AGAP6: variants seen among roughly 807,000 people sequenced by gnomAD.
The protein encoded by AGAP6 is ArfGAP with GTPase domain, ankyrin repeat and PH domain 6.
Under a neutral mutation model 63.9 loss-of-function variants are expected in AGAP6, and 29 were observed. That is an observed-to-expected ratio of 0.45 (90% CI 0.34 to 0.62). AGAP6 has a LOEUF of 0.62. Among genes scored for constraint, AGAP6 ranks in the 20% least tolerant of loss-of-function variants. AGAP6 has a pLI of 0.01. For synonymous variants in AGAP6, 199 were observed against 332.9 expected, an observed-to-expected ratio of 0.60 and a Z score of 4.38; for missense variants, 493 against 884.9, an observed-to-expected ratio of 0.56 and a Z score of 5.62.
At chr10:49,994,261 T>C in intron 3 of AGAP6, 134 bp from the exon 4 acceptor site, 1 of 1,039,464 alleles carries the variant, frequency 9.6e-7, no homozygotes, top group Non-Finnish European at 1.3e-6. Flanking sequence ...ATTTAAATTA[T>C]AAATTATTGA....
At chr10:49,996,627 C>T (rs1480933899) in intron 4 of AGAP6, among the ~76,000 whole-genome samples, 1 of 150,700 alleles carries the variant, frequency 6.6e-6, no homozygotes, top group Non-Finnish European at 1.5e-5. Context: ...TATCTCTGAG[C>T]CAGAAATTCT....
intron 4 of AGAP6, among the ~76,000 whole-genome samples, chr10:49,999,538 C>T (rs1554862619): frequency 7.6e-6 from 1 of 131,294 alleles, no homozygotes; most frequent in Non-Finnish European, 1.6e-5. Context: ...GAAAGCATTC[C>T]CCCCGAGAAC....
intron 7 of AGAP6, 155 bp from the exon 8 acceptor site, chr10:50,008,556 C>A (rs1554864386): frequency 1.8e-6 from 1 of 548,968 alleles, no homozygotes; most frequent in African/African-American, 2.1e-5. Flanking sequence ...CGTGATCCAC[C>A]CACCTTGGCC....
intron 5 of AGAP6, among the ~76,000 whole-genome samples, chr10:50,003,850 G>A (rs1331172197): frequency 6.6e-6 from 1 of 152,202 alleles, no homozygotes; most frequent in Non-Finnish European, 1.5e-5. Flanking sequence ...GTCCTTTCCA[G>A]CATGTAACTT....
At chr10:49,991,556 A>G in intron 2 of AGAP6, 120 bp from the exon 3 acceptor site, 1 of 1,345,354 alleles carries the variant, frequency 7.4e-7, no homozygotes, top group Non-Finnish European at 1.0e-6. Context: ...CATTCATTTC[A>G]ATGGATAAGA....
intron 3 of AGAP6, among the ~76,000 whole-genome samples, chr10:49,993,175 C>T (rs1308127542): frequency 6.6e-6 from 1 of 152,224 alleles, no homozygotes; most frequent in Non-Finnish European, 1.5e-5. Context: ...CCACTAGGCC[C>T]TATCTCCAAC....
chr10:49,997,687 CCT>C (rs1564709939), intron 4 of AGAP6, among the ~76,000 whole-genome samples: 1 of 151,890 alleles, frequency 6.6e-6, no homozygotes, highest in African/African-American at 2.4e-5. Flanking sequence ...TGGTGACATG[CCT>C]AAGTTCTTTA....
intron 4 of AGAP6, among the ~76,000 whole-genome samples, chr10:49,996,528 G>T (rs1194461837): frequency 6.6e-5 from 10 of 151,806 alleles, no homozygotes; most frequent in Non-Finnish European, 1.2e-4. Flanking sequence ...GTAAAAGCAG[G>T]CCTGGAAAGG....
At chr10:49,993,845 ATATG>A (rs1435307161) in intron 3 of AGAP6, among the ~76,000 whole-genome samples, 8 of 151,128 alleles carry the variant, frequency 5.3e-5, no homozygotes, top group African/African-American at 1.9e-4. Flanking sequence ...AAAAATTAAG[ATATG>A]TTACTTTCCA....
chr10:49,992,954 G>T (rs1417864672), intron 3 of AGAP6, among the ~76,000 whole-genome samples: 11 of 152,218 alleles, frequency 7.2e-5, no homozygotes, highest in Non-Finnish European at 1.6e-4. Context: ...TAGAGACAGG[G>T]TTTCACCATG....
chr10:49,996,576 T>C (rs1276289588), intron 4 of AGAP6, among the ~76,000 whole-genome samples: 3 of 151,456 alleles, frequency 2.0e-5, no homozygotes, highest in South Asian at 2.1e-4. Flanking sequence ...AGTTCCATTT[T>C]TGGTGTACAG....
At chr10:49,992,079 T>A (rs541094105) in intron 3 of AGAP6, among the ~76,000 whole-genome samples, 34 of 151,670 alleles carry the variant, frequency 2.2e-4, no homozygotes, top group African/African-American at 7.7e-4. Context: ...TTTCCCTTGC[T>A]CCAAAAAGTA....
intron 3 of AGAP6, among the ~76,000 whole-genome samples, chr10:49,992,174 G>C (rs1433767068): frequency 1.3e-5 from 2 of 151,574 alleles, no homozygotes; most frequent in African/African-American, 4.9e-5. Flanking sequence ...TATCATCAGG[G>C]ATTGAATCTG....
At position 50,001,982 on chromosome 10, in the gene AGAP6, C is replaced by T; in HGVS notation, c.397-14C>T. The T allele has an allele frequency of 1.9e-6, 3 of 1,611,982 alleles. No homozygotes were observed. The highest frequency in any genetic ancestry group is 2.5e-6 in the Non-Finnish European group (3 of 1,179,982). The stretch of plus-strand genomic sequence containing the variant: ...ACTTTGATAAGTTTGACTTACAGTT[C>T]CCTTCCCCTTCAGGTATCTGCTGTG... On this transcript the variant is annotated splice_polypyrimidine_tract_variant and intron_variant, in intron 4 of 7. Coordinates refer to ENST00000412531, the MANE Select transcript of AGAP6 (RefSeq NM_001077665.3).
At chr10:50,008,004 A>G (rs782410939) in intron 6 of AGAP6, 21 bp from the exon 7 acceptor site, 12 of 1,611,902 alleles carry the variant, frequency 7.4e-6, no homozygotes, top group Non-Finnish European at 1.0e-5. Flanking sequence ...TTTTGAAGTA[A>G]TGCGCTTTCT....
intron 2 of AGAP6, among the ~76,000 whole-genome samples, chr10:49,991,144 A>C (rs1484391947): frequency 6.6e-6 from 1 of 152,108 alleles, no homozygotes; most frequent in Non-Finnish European, 1.5e-5. Context: ...AGAAATGAAA[A>C]CTTAGAGATA....
chr10:50,009,958 C>T lies in AGAP6; in HGVS notation c.1833C>T (p.Ser611=), dbSNP rs782754528. The T allele has an allele frequency of 5.0e-6, 8 of 1,612,262 alleles. No homozygotes were observed. In the East Asian group the frequency reaches 1.8e-4, roughly 36 times the overall value. The change falls in exon 8 of 8, where the codon TCC becomes TCT. Residue 611 remains serine, a synonymous_variant. Transcript: ENST00000412531. ...CCATCCTGCTGCTGGCACATGGCTC[C>T]TGTGAGGAGGTGAACGAGACCTGTG... ...QTAILLLAHG[S]CEEVNETCGE...
At chr10:50,007,945 C>T (rs1841971058) in intron 6 of AGAP6, 80 bp from the exon 7 acceptor site, 21 of 1,608,354 alleles carry the variant, frequency 1.3e-5, no homozygotes, top group East Asian at 6.7e-5. Context: ...CCAAAGCACA[C>T]AGGAGGCAGT....
At chr10:49,994,778 C>T (rs1325297820) in intron 4 of AGAP6, among the ~76,000 whole-genome samples, 1 of 151,952 alleles carries the variant, frequency 6.6e-6, no homozygotes, top group African/African-American at 2.4e-5. Context: ...CCCTGACCAA[C>T]ATGGTGAAAT....
Sources: allele counts gnomAD v4.1 joint callset (sites outside exome capture counted in the v4.1 genomes callset), GRCh38; gene constraint gnomAD v4.1.1; transcripts MANE v1.5; gene names NCBI Gene and HGNC (gene_info 2026-07-23, HGNC 2026-07-21).